Variants in GRID2 observed in about 807,000 individuals in gnomAD.
The protein encoded by GRID2 is glutamate ionotropic receptor delta type subunit 2, also known as glutamate receptor ionotropic, delta-2.
A neutral mutation model predicts 114.8 loss-of-function variants in GRID2; 33 were observed. The ratio of observed to expected loss-of-function variants is 0.29; its 90% CI spans 0.22 to 0.38. The LOEUF (loss-of-function observed/expected upper bound fraction) is 0.38, where lower values mean the gene tolerates loss of function less well. GRID2 is among the 10% of genes least tolerant of loss of function. The probability of loss-of-function intolerance (pLI) is 1.00; values close to 1 mark genes in which losing one functional copy is unlikely to be tolerated. For missense variants in GRID2, 1,184 were observed against 1,257.7 expected, an observed-to-expected ratio of 0.94 and a Z score of 0.89; for synonymous variants, 505 against 449.9, an observed-to-expected ratio of 1.12 and a Z score of -1.55.
chr4:93,638,374 T>G (rs1721623425), intron 14 of GRID2, among the ~76,000 whole-genome samples: 1 of 35,710 alleles, frequency 2.8e-5, no homozygotes, highest in East Asian at 3.2e-4. Flanking sequence ...TAGTTACATA[T>G]GTATACATGT....
At chr4:92,701,003 A>AACAAAAC (rs371267416) in intron 2 of GRID2, among the ~76,000 whole-genome samples, 9,692 of 151,956 alleles carry the variant, frequency 0.064, 417 homozygotes, top group East Asian at 0.087. Context: ...CAAAAAAAAA[A>AACAAAAC]AAAAAAAGAC....
At chr4:92,812,654 G>A (rs1448618906) in intron 2 of GRID2, among the ~76,000 whole-genome samples, 3 of 152,010 alleles carry the variant, frequency 2.0e-5, no homozygotes, top group Non-Finnish European at 2.9e-5. Context: ...ATTATATATA[G>A]TGATGATAAG....
chr4:92,700,993 CAAAAAA>C (rs781142253), intron 2 of GRID2, among the ~76,000 whole-genome samples: 1 of 83,858 alleles, frequency 1.2e-5, no homozygotes, highest in Non-Finnish European at 2.4e-5. Flanking sequence ...GACTCCATCT[CAAAAAA>C]AAAAAAAAAA....
At chr4:92,492,849 C>T (rs1723206577) in intron 1 of GRID2, among the ~76,000 whole-genome samples, 1 of 152,056 alleles carries the variant, frequency 6.6e-6, no homozygotes, top group Non-Finnish European at 1.5e-5. Context: ...CAGTTTTAGG[C>T]CAGGCGCAGT....
At chr4:92,924,422 C>T (rs181849782) in intron 2 of GRID2, among the ~76,000 whole-genome samples, 99 of 151,790 alleles carry the variant, frequency 6.5e-4, no homozygotes, top group African/African-American at 2.1e-3. Flanking sequence ...AGAAATTATT[C>T]GGTCCTCTAA....
At chr4:92,891,887 G>A (rs182319095) in intron 2 of GRID2, among the ~76,000 whole-genome samples, 51 of 152,262 alleles carry the variant, frequency 3.3e-4, no homozygotes, top group Non-Finnish European at 4.1e-4. Context: ...GGGCAGTTCT[G>A]TGTCAAATAT....
At chr4:93,444,642 C>T (rs974214375) in intron 10 of GRID2, among the ~76,000 whole-genome samples, 1 of 151,820 alleles carries the variant, frequency 6.6e-6, no homozygotes, top group Non-Finnish European at 1.5e-5. Context: ...AATTAGAGTA[C>T]CTTCATAATC....
At chr4:93,541,871 C>G (rs1390449586) in intron 13 of GRID2, among the ~76,000 whole-genome samples, 5 of 152,066 alleles carry the variant, frequency 3.3e-5, no homozygotes, top group Admixed American at 3.3e-4. Flanking sequence ...ACTTGGGAAC[C>G]CTCATCATTC....
chr4:93,540,179 ACTTT>A (rs2149526229), intron 13 of GRID2, among the ~76,000 whole-genome samples: 1 of 151,886 alleles, frequency 6.6e-6, no homozygotes, highest in Non-Finnish European at 1.5e-5. Context: ...CTTCAACAGC[ACTTT>A]ATTGTCCTTT....
At chr4:93,173,928 T>G (rs1739095520) in intron 4 of GRID2, among the ~76,000 whole-genome samples, 1 of 152,142 alleles carries the variant, frequency 6.6e-6, no homozygotes, top group Non-Finnish European at 1.5e-5. Context: ...CCAGCCTGGA[T>G]TTTTCTTTTA....
chr4:92,438,281 A>G (rs535878277), intron 1 of GRID2, among the ~76,000 whole-genome samples: 1 of 152,288 alleles, frequency 6.6e-6, no homozygotes, highest in East Asian at 1.9e-4. Context: ...TTACTTTAAA[A>G]AAAGAAAGCA....
At chr4:93,121,085 T>TAATAATAA (rs1733741653) in intron 4 of GRID2, among the ~76,000 whole-genome samples, 1 of 152,098 alleles carries the variant, frequency 6.6e-6, no homozygotes, top group African/African-American at 2.4e-5. Context: ...TCCCAGAACT[T>TAATAATAA]AAAGTATAAT....
intron 2 of GRID2, among the ~76,000 whole-genome samples, chr4:92,803,132 T>C (rs1350770044): frequency 6.6e-6 from 1 of 151,930 alleles, no homozygotes; most frequent in Non-Finnish European, 1.5e-5. Flanking sequence ...GCTAATTTCC[T>C]CTTAATATAG....
At chr4:92,363,163 G>C (rs1728695831) in intron 1 of GRID2, among the ~76,000 whole-genome samples, 2 of 152,204 alleles carry the variant, frequency 1.3e-5, no homozygotes, top group South Asian at 4.1e-4. Flanking sequence ...TAGCTGACTA[G>C]TGAAGTAGAG....
intron 1 of GRID2, among the ~76,000 whole-genome samples, chr4:92,520,982 A>G (rs1025427620): frequency 2.0e-5 from 3 of 151,940 alleles, no homozygotes; most frequent in Non-Finnish European, 2.9e-5. Context: ...AAAAGGAAAC[A>G]TAACAGTTAT....
At chr4:93,316,339 A>AGAAAGAAAGAAAGAAGGAAG (rs1192535496) in intron 8 of GRID2, among the ~76,000 whole-genome samples, 78 of 54,992 alleles carry the variant, frequency 1.4e-3, no homozygotes, top group African/African-American at 3.6e-3. Context: ...AAAGAAAGAA[A>AGAAAGAAAGAAAGAAGGAAG]GAAGGAAGGA....
At chr4:92,843,278 A>G (rs1298034240) in intron 2 of GRID2, among the ~76,000 whole-genome samples, 2 of 151,922 alleles carry the variant, frequency 1.3e-5, no homozygotes, top group East Asian at 3.9e-4. Flanking sequence ...AAACAAGTCA[A>G]GAAGCTGAAT....
chr4:92,634,254 G>A (rs1055257282), intron 2 of GRID2, among the ~76,000 whole-genome samples: 20 of 152,106 alleles, frequency 1.3e-4, no homozygotes, highest in Non-Finnish European at 7.4e-5. Flanking sequence ...GGAGTCTTAT[G>A]TCTTATTTAT....
At chr4:93,080,491 A>G (rs1013089171) in intron 2 of GRID2, among the ~76,000 whole-genome samples, 22 of 152,302 alleles carry the variant, frequency 1.4e-4, no homozygotes, top group African/African-American at 5.3e-4. Context: ...CATCAGAACT[A>G]TTCAGGTAAC....
Sources: gnomAD v4.1 joint callset for allele counts (sites outside exome capture counted in the v4.1 genomes callset) on GRCh38, gnomAD v4.1.1 for gene constraint, MANE v1.5 for transcripts, NCBI Gene and HGNC (gene_info 2026-07-23, HGNC 2026-07-21) for gene names.